DLG2: variants seen among roughly 807,000 people sequenced by gnomAD.
The protein encoded by DLG2 is disks large homolog 2.
In DLG2, 45 loss-of-function variants were observed where a neutral mutation model predicts 132.5. The observed-to-expected ratio is 0.34, with a 90% CI of 0.27 to 0.44. The LOEUF is 0.44. DLG2 is among the 20% of genes least tolerant of loss of function. The pLI, the probability that DLG2 is intolerant of heterozygous loss-of-function variation, is 1.00. For missense variants in DLG2, 1,045 were observed against 1,196.9 expected, an observed-to-expected ratio of 0.87 and a Z score of 1.87; for synonymous variants, 424 against 419.6, an observed-to-expected ratio of 1.01 and a Z score of -0.13.
At chr11:83,750,072 G>T (rs2093203763) in intron 18 of DLG2, among the ~76,000 whole-genome samples, 1 of 152,068 alleles carries the variant, frequency 6.6e-6, no homozygotes, top group Non-Finnish European at 1.5e-5. Flanking sequence ...TAAACTCATG[G>T]ACAAAGACTA....
At chr11:84,642,084 ATATGTAGAG>A (rs2099667632) in intron 6 of DLG2, among the ~76,000 whole-genome samples, 1 of 136,902 alleles carries the variant, frequency 7.3e-6, no homozygotes. Context: ...GTGTGTGTGT[ATATGTAGAG>A]TGTGTGTGTG....
intron 6 of DLG2, among the ~76,000 whole-genome samples, chr11:84,870,892 CA>C (rs2154041631): frequency 6.6e-6 from 1 of 152,254 alleles, no homozygotes; most frequent in African/African-American, 2.4e-5. Context: ...ACCAAACAAA[CA>C]AAAACGAAGT....
chr11:85,389,058 G>A (rs1267054549), intron 3 of DLG2, among the ~76,000 whole-genome samples: 3 of 151,970 alleles, frequency 2.0e-5, no homozygotes, highest in Non-Finnish European at 1.5e-5. Flanking sequence ...AGCCAATCAA[G>A]GAGGTACCAG....
chr11:84,389,326 G>A (rs1296348019), intron 7 of DLG2, among the ~76,000 whole-genome samples: 1 of 151,950 alleles, frequency 6.6e-6, no homozygotes, highest in African/African-American at 2.4e-5. Context: ...GAAGAGGGGA[G>A]GACTCTGATG....
At chr11:83,518,722 T>C (rs569454076) in intron 21 of DLG2, among the ~76,000 whole-genome samples, 53 of 152,344 alleles carry the variant, frequency 3.5e-4, no homozygotes, top group African/African-American at 1.3e-3. Flanking sequence ...AGCTGCACAG[T>C]TGACAGAAAA....
At chr11:84,557,186 T>C (rs540382821) in intron 6 of DLG2, among the ~76,000 whole-genome samples, 32 of 152,194 alleles carry the variant, frequency 2.1e-4, no homozygotes, top group Non-Finnish European at 4.3e-4. Flanking sequence ...GGTTAACATC[T>C]ACAATCAGTT....
intron 4 of DLG2, among the ~76,000 whole-genome samples, chr11:85,199,646 T>C (rs2081305437): frequency 6.6e-6 from 1 of 152,246 alleles, no homozygotes; most frequent in East Asian, 1.9e-4. Context: ...TGAAGATGGC[T>C]AGTTGACCTC....
At chr11:85,151,353 A>G (rs139889212) in intron 5 of DLG2, among the ~76,000 whole-genome samples, 7 of 149,360 alleles carry the variant, frequency 4.7e-5, no homozygotes, top group African/African-American at 1.7e-4. Flanking sequence ...TGATGTACAG[A>G]AGTCTTTAAG....
At chr11:85,479,225 CA>C (rs2093225694) in intron 3 of DLG2, among the ~76,000 whole-genome samples, 6 of 152,308 alleles carry the variant, frequency 3.9e-5, no homozygotes, top group Admixed American at 3.9e-4. Flanking sequence ...ATTTACTTCT[CA>C]CAGTTCTGGA....
intron 4 of DLG2, among the ~76,000 whole-genome samples, chr11:85,279,416 A>T (rs1203543801): frequency 6.6e-6 from 1 of 152,122 alleles, no homozygotes; most frequent in Non-Finnish European, 1.5e-5. Context: ...AGAAGGGAAA[A>T]CAGTTTCATC....
At chr11:84,360,427 C>A (rs1457938742) in intron 7 of DLG2, among the ~76,000 whole-genome samples, 1 of 151,832 alleles carries the variant, frequency 6.6e-6, no homozygotes, top group African/African-American at 2.4e-5. Context: ...GGGAAATTGC[C>A]CACCAACTAT....
At chr11:83,483,440 T>C in intron 22 of DLG2, 1 of 563,924 alleles carries the variant, frequency 1.8e-6, no homozygotes, top group East Asian at 3.1e-5. Context: ...TCTCTTCTTT[T>C]AAAAAAACTT....
intron 10 of DLG2, among the ~76,000 whole-genome samples, chr11:84,089,443 T>A (rs557872014): frequency 5.5e-4 from 84 of 152,304 alleles, no homozygotes; most frequent in Admixed American, 1.1e-3. Context: ...GTTCTTATTT[T>A]AAAATCATCA....
intron 21 of DLG2, among the ~76,000 whole-genome samples, chr11:83,489,836 T>TAAAC (rs2093736280): frequency 6.6e-6 from 1 of 151,838 alleles, no homozygotes; most frequent in Non-Finnish European, 1.5e-5. Context: ...AGTAAATGAG[T>TAAAC]AAACACATGG....
intron 7 of DLG2, among the ~76,000 whole-genome samples, chr11:84,383,071 T>A (rs2098754548): frequency 6.6e-6 from 1 of 152,018 alleles, no homozygotes; most frequent in Admixed American, 6.6e-5. Flanking sequence ...CTGGTATTCA[T>A]CCATTTTTCC....
intron 15 of DLG2, among the ~76,000 whole-genome samples, chr11:83,896,628 G>C (rs980413225): frequency 2.6e-5 from 4 of 152,134 alleles, no homozygotes; most frequent in Non-Finnish European, 5.9e-5. Context: ...AAATACAGAG[G>C]TTAATCAAGA....
At chr11:84,947,730 A>G (rs1043918483) in intron 6 of DLG2, among the ~76,000 whole-genome samples, 3 of 152,174 alleles carry the variant, frequency 2.0e-5, no homozygotes, top group Admixed American at 1.3e-4. Context: ...GAAAGTGGAG[A>G]TTAATTTTAT....
intron 6 of DLG2, among the ~76,000 whole-genome samples, chr11:84,714,647 T>TTTCTCTCTCTC (rs2060984125): frequency 1.1e-5 from 1 of 90,690 alleles, no homozygotes; most frequent in African/African-American, 5.9e-5. Flanking sequence ...CTCTCTCTCT[T>TTTCTCTCTCTC]TCTCTCTCTC....
intron 6 of DLG2, among the ~76,000 whole-genome samples, chr11:84,807,641 T>C (rs542929976): frequency 6.6e-6 from 1 of 152,014 alleles, no homozygotes; most frequent in Non-Finnish European, 1.5e-5. Flanking sequence ...TCGAGGCAGG[T>C]TGAAAGTGAA....
Sources: allele counts gnomAD v4.1 joint callset (sites outside exome capture counted in the v4.1 genomes callset), GRCh38; gene constraint gnomAD v4.1.1; transcripts MANE v1.5; gene names NCBI Gene and HGNC (gene_info 2026-07-23, HGNC 2026-07-21).